The following SPECC1 variants were observed in gnomAD, a reference collection of about 807,000 sequenced individuals.
The protein encoded by SPECC1 is cytospin-B.
Under a neutral mutation model 104.1 loss-of-function variants are expected in SPECC1, and 62 were observed. The observed-to-expected ratio is 0.60, with a 90% CI of 0.49 to 0.74. The LOEUF is 0.74. Among genes scored for constraint, SPECC1 ranks in the 30% least tolerant of loss-of-function variants. SPECC1 has a pLI of 0.00. For synonymous variants in SPECC1, 513 were observed against 501.6 expected (o/e 1.02, Z -0.30); for missense variants, 1,306 against 1,310.5 (o/e 1.00, Z 0.05).
At chr17:20,208,129 T>C (rs1287984205) in intron 4 of SPECC1, among the ~76,000 whole-genome samples, 1 of 152,238 alleles carries the variant, frequency 6.6e-6, no homozygotes, top group Non-Finnish European at 1.5e-5. Flanking sequence ...ACAACATATA[T>C]GTTTAAAATC....
chr17:20,164,328 T>TA (rs1329612714), intron 3 of SPECC1, among the ~76,000 whole-genome samples: 2 of 151,898 alleles, frequency 1.3e-5, no homozygotes, highest in African/African-American at 2.4e-5. Flanking sequence ...CCCAGCTAAT[T>TA]AAAAAAAATT....
chr17:20,173,432 G>A (rs1003561766), intron 3 of SPECC1, among the ~76,000 whole-genome samples: 7 of 152,208 alleles, frequency 4.6e-5, no homozygotes. Flanking sequence ...TGTATCAGGA[G>A]CAGTGCTGGA....
chr17:20,238,451 T>C, intron 7 of SPECC1: 5 of 1,042,708 alleles, frequency 4.8e-6, no homozygotes, highest in South Asian at 4.6e-5. Context: ...GTACACAGCA[T>C]GGAGCCATTA....
At position 20,300,065 on chromosome 17, in the gene SPECC1, A is replaced by T. The variant is rs141125482; in HGVS notation, c.3057+2988A>T. 4.0e-4 allele frequency among the ~76,000 whole-genome samples: 61 copies of T among 152,346 alleles called. No individual in the cohort carries two copies. In the East Asian group the frequency reaches 0.011, roughly 28 times the overall value. ...TTAATTTCAATTTTCATGTTAAATAACCACATCATGTGTGGCTGCCATGTT... is the reference window on the plus strand; with the variant it reads ...TTAATTTCAATTTTCATGTTAAATATCCACATCATGTGTGGCTGCCATGTT... On this transcript the variant is annotated intron_variant, in intron 13 of 14. Transcript: ENST00000395527.
At chr17:20,134,356 T>G (rs1403484913) in intron 3 of SPECC1, among the ~76,000 whole-genome samples, 1 of 151,138 alleles carries the variant, frequency 6.6e-6, no homozygotes, top group African/African-American at 2.4e-5. Flanking sequence ...TGCACCCAAC[T>G]CCCCATTCCC....
At chr17:20,297,175 G>A in intron 13 of SPECC1, 98 bp downstream of exon 13, 1 of 993,194 alleles carries the variant, frequency 1.0e-6, no homozygotes, top group Non-Finnish European at 1.5e-6. Context: ...GCCTGAAGTA[G>A]AAGTTGGGAT....
At chr17:20,045,553 ACT>A (rs1316807542) in intron 1 of SPECC1, among the ~76,000 whole-genome samples, 1 of 152,062 alleles carries the variant, frequency 6.6e-6, no homozygotes, top group Non-Finnish European at 1.5e-5. Flanking sequence ...TTCTTGTTAT[ACT>A]CTCTAAGTGC....
chr17:20,108,742 C>A (rs1279753772), intron 2 of SPECC1, among the ~76,000 whole-genome samples: 1 of 152,130 alleles, frequency 6.6e-6, no homozygotes, highest in Non-Finnish European at 1.5e-5. Flanking sequence ...TAGTTTTGGG[C>A]TGCTATAAAA....
intron 1 of SPECC1, among the ~76,000 whole-genome samples, chr17:20,043,009 C>T (rs888024917): frequency 2.6e-5 from 4 of 152,156 alleles, no homozygotes; most frequent in Non-Finnish European, 4.4e-5. Context: ...ACTTGCTTTT[C>T]GTTTGTTTTT....
chr17:20,245,874 C>T (rs748874069), intron 7 of SPECC1, 52 bp from the exon 8 acceptor site: 30 of 1,600,090 alleles, frequency 1.9e-5, no homozygotes, highest in African/African-American at 2.7e-5. Context: ...GTCTTTTTCT[C>T]CCATGGGGAT....
chr17:20,184,181 C>CA (rs759475722), intron 3 of SPECC1, among the ~76,000 whole-genome samples: 1,314 of 43,184 alleles, frequency 0.03, 30 homozygotes, highest in African/African-American at 0.063. Context: ...ACTCCTGTCT[C>CA]AAAAAAAAAA....
chr17:20,302,428 CTG>C (rs2041619575), intron 13 of SPECC1, among the ~76,000 whole-genome samples: 1 of 152,154 alleles, frequency 6.6e-6, no homozygotes, highest in Non-Finnish European at 1.5e-5. Flanking sequence ...TGCTGCTTGT[CTG>C]TGGCTTCTGC....
chr17:20,127,858 G>T (rs1451629932), intron 3 of SPECC1, among the ~76,000 whole-genome samples: 1 of 152,016 alleles, frequency 6.6e-6, no homozygotes, highest in African/African-American at 2.4e-5. Flanking sequence ...GGCCTTCTGT[G>T]CATGCAGGCA....
chr17:20,196,099 A>G (rs1408719041), intron 3 of SPECC1, among the ~76,000 whole-genome samples: 1 of 152,228 alleles, frequency 6.6e-6, no homozygotes, highest in Non-Finnish European at 1.5e-5. Context: ...CAACTGTTCA[A>G]ACCTTTAGCT....
chr17:20,309,116 G>A (rs2041857418), intron 14 of SPECC1, among the ~76,000 whole-genome samples: 1 of 152,132 alleles, frequency 6.6e-6, no homozygotes, highest in Non-Finnish European at 1.5e-5. Flanking sequence ...AGGCACTTAG[G>A]AGTGTTTGTG....
intron 12 of SPECC1, among the ~76,000 whole-genome samples, chr17:20,270,638 T>C (rs1598116469): frequency 6.6e-6 from 1 of 150,382 alleles, no homozygotes; most frequent in East Asian, 1.9e-4. Context: ...AAAAAAAAAG[T>C]GTGCCATGAT....
At chr17:20,144,258 C>T (rs1469987075) in intron 3 of SPECC1, among the ~76,000 whole-genome samples, 2 of 137,878 alleles carry the variant, frequency 1.5e-5, no homozygotes, top group East Asian at 4.6e-4. Context: ...GATCACAGCT[C>T]ACTGCTGCCT....
intron 1 of SPECC1, among the ~76,000 whole-genome samples, chr17:20,013,663 C>A (rs765218689): frequency 1.3e-5 from 2 of 151,968 alleles, no homozygotes; most frequent in East Asian, 1.9e-4. Context: ...CCACTATGCC[C>A]GGCTAATTTT....
At chr17:20,281,080 A>G (rs925524036) in intron 12 of SPECC1, among the ~76,000 whole-genome samples, 2 of 152,122 alleles carry the variant, frequency 1.3e-5, no homozygotes, top group African/African-American at 4.8e-5. Flanking sequence ...GCTTCATTCA[A>G]TCTGATGTCA....
Sources: allele counts gnomAD v4.1 joint callset (sites outside exome capture counted in the v4.1 genomes callset), GRCh38; gene constraint gnomAD v4.1.1; transcripts MANE v1.5; gene names NCBI Gene and HGNC (gene_info 2026-07-23, HGNC 2026-07-21).